Variants in LRMDA observed in about 807,000 individuals in gnomAD.
LRMDA encodes leucine rich melanocyte differentiation associated, also known as leucine-rich melanocyte differentiation-associated protein.
A neutral mutation model predicts 29.8 loss-of-function variants in LRMDA; 18 were observed. The ratio of observed to expected loss-of-function variants is 0.60; its 90% CI spans 0.42 to 0.90. LRMDA has a LOEUF of 0.90. Ranked by LOEUF, LRMDA falls within the 40% of genes least tolerant of loss-of-function variation. The pLI is 0.00. For missense variants in LRMDA, 273 were observed against 273.9 expected (o/e 1.00, Z 0.02); for synonymous variants, 125 against 109.4 (o/e 1.14, Z -0.89).
At chr10:76,044,901 T>TACTA (rs1261870098) in intron 3 of LRMDA, among the ~76,000 whole-genome samples, 5 of 152,218 alleles carry the variant, frequency 3.3e-5, no homozygotes, top group African/African-American at 9.6e-5. Context: ...TTTCCCCTCT[T>TACTA]GCTAGTTTCC....
intron 6 of LRMDA, among the ~76,000 whole-genome samples, chr10:76,508,647 T>C (rs902212688): frequency 6.6e-6 from 1 of 152,176 alleles, no homozygotes; most frequent in African/African-American, 2.4e-5. Context: ...TATTTTCTTT[T>C]ATAAGTTGAT....
intron 5 of LRMDA, among the ~76,000 whole-genome samples, chr10:76,196,479 GAA>G (rs1413547457): frequency 2.0e-5 from 3 of 152,282 alleles, no homozygotes; most frequent in Non-Finnish European, 4.4e-5. Flanking sequence ...CACGTGGCAG[GAA>G]AAGAGTCCAA....
chr10:75,720,787 A>G (rs1330065034), intron 2 of LRMDA, among the ~76,000 whole-genome samples: 1 of 152,108 alleles, frequency 6.6e-6, no homozygotes, highest in Non-Finnish European at 1.5e-5. Context: ...TCCTTGGTCC[A>G]GTGTGTGTAG....
chr10:76,097,735 A>G (rs1849334980), intron 5 of LRMDA, among the ~76,000 whole-genome samples: 1 of 152,178 alleles, frequency 6.6e-6, no homozygotes, highest in Non-Finnish European at 1.5e-5. Flanking sequence ...ATTTTTGAAT[A>G]TTGAACCAGC....
intron 2 of LRMDA, among the ~76,000 whole-genome samples, chr10:75,569,054 G>A: frequency 1.3e-5 from 2 of 152,138 alleles, no homozygotes; most frequent in Non-Finnish European, 2.9e-5. Flanking sequence ...ATCCACTTCA[G>A]AGACTTGGAT....
intron 5 of LRMDA, among the ~76,000 whole-genome samples, chr10:76,160,355 A>G (rs1051675006): frequency 6.6e-6 from 1 of 152,118 alleles, no homozygotes; most frequent in East Asian, 1.9e-4. Flanking sequence ...AAAGACTGAA[A>G]TGATCAGGGA....
intron 6 of LRMDA, among the ~76,000 whole-genome samples, chr10:76,410,298 CTTTTTT>C (rs1172213249): frequency 6.3e-4 from 42 of 66,542 alleles, no homozygotes; most frequent in Admixed American, 2.6e-3. Context: ...CACTTTCTTT[CTTTTTT>C]TTTTTTTTTT....
At chr10:75,679,662 A>G (rs1486415269) in intron 2 of LRMDA, among the ~76,000 whole-genome samples, 1 of 152,224 alleles carries the variant, frequency 6.6e-6, no homozygotes, top group Admixed American at 6.5e-5. Context: ...TTAAGACCAC[A>G]TACTAACATT....
intron 2 of LRMDA, among the ~76,000 whole-genome samples, chr10:75,917,961 G>GCACA (rs10552979): frequency 1.1e-4 from 16 of 150,034 alleles, no homozygotes; most frequent in South Asian, 6.4e-4. Flanking sequence ...GCACATGTGC[G>GCACA]CACACACACA....
chr10:76,401,745 A>G (rs913203970), intron 6 of LRMDA, among the ~76,000 whole-genome samples: 10 of 152,228 alleles, frequency 6.6e-5, no homozygotes, highest in Non-Finnish European at 1.0e-4. Flanking sequence ...TAAGTATCAT[A>G]TTAAATAAGA....
At chr10:76,052,634 G>A (rs1456917918) in intron 4 of LRMDA, among the ~76,000 whole-genome samples, 1 of 152,202 alleles carries the variant, frequency 6.6e-6, no homozygotes, top group Non-Finnish European at 1.5e-5. Flanking sequence ...CCTTAGAGGA[G>A]TCCTTTAAGC....
intron 6 of LRMDA, among the ~76,000 whole-genome samples, chr10:76,441,698 C>A (rs1335263605): frequency 6.6e-6 from 1 of 152,118 alleles, no homozygotes; most frequent in Non-Finnish European, 1.5e-5. Flanking sequence ...GGCTCTGCCC[C>A]CCTCTCCTCT....
At chr10:75,970,364 G>A (rs1395275240) in intron 2 of LRMDA, among the ~76,000 whole-genome samples, 7 of 152,236 alleles carry the variant, frequency 4.6e-5, no homozygotes, top group Admixed American at 4.6e-4. Context: ...CAGGTGAGCT[G>A]TGATGGGGAC....
chr10:76,348,533 G>A (rs185911362), intron 6 of LRMDA, among the ~76,000 whole-genome samples: 2 of 152,318 alleles, frequency 1.3e-5, no homozygotes, highest in East Asian at 3.9e-4. Flanking sequence ...AACATGTGAA[G>A]ACGATTGCAT....
At chr10:75,645,520 G>A (rs958228129) in intron 2 of LRMDA, among the ~76,000 whole-genome samples, 3 of 152,168 alleles carry the variant, frequency 2.0e-5, no homozygotes, top group Admixed American at 6.5e-5. Flanking sequence ...CTAGAACGTG[G>A]CCTGGTGGTG....
chr10:76,066,919 T>G (rs1360243455), intron 5 of LRMDA, among the ~76,000 whole-genome samples: 2 of 152,124 alleles, frequency 1.3e-5, no homozygotes, highest in Non-Finnish European at 2.9e-5. Flanking sequence ...GCAGAGCAGG[T>G]GCTTTGGTGA....
intron 2 of LRMDA, among the ~76,000 whole-genome samples, chr10:75,852,921 C>T (rs1271044611): frequency 6.6e-6 from 1 of 152,018 alleles, no homozygotes; most frequent in Non-Finnish European, 1.5e-5. Context: ...CTGGAGAGAC[C>T]TCAGGAAACT....
intron 6 of LRMDA, among the ~76,000 whole-genome samples, chr10:76,462,004 G>A (rs1334587775): frequency 6.7e-6 from 1 of 149,310 alleles, no homozygotes; most frequent in Admixed American, 6.7e-5. Context: ...GGGAGGTCAA[G>A]GCTGCAGTGA....
chr10:76,020,338 T>A (rs149488783), intron 2 of LRMDA, among the ~76,000 whole-genome samples: 14 of 152,188 alleles, frequency 9.2e-5, no homozygotes, highest in African/African-American at 3.4e-4. Context: ...AGAGTGGGGA[T>A]CTATGGAAAA....
Sources: allele counts gnomAD v4.1 joint callset (sites outside exome capture counted in the v4.1 genomes callset), GRCh38; gene constraint gnomAD v4.1.1; transcripts MANE v1.5; gene names NCBI Gene and HGNC (gene_info 2026-07-23, HGNC 2026-07-21).